The following FAM234A variants were observed in gnomAD, a reference collection of about 807,000 sequenced individuals.
The protein encoded by FAM234A is family with sequence similarity 234 member A.
FAM234A carries 42 observed loss-of-function variants against 49.1 expected under a neutral mutation model. The observed-to-expected ratio is 0.86, with a 90% CI of 0.67 to 1.11. The LOEUF (loss-of-function observed/expected upper bound fraction) is 1.11, where lower values mean the gene tolerates loss of function less well. FAM234A is among the 50% of genes least tolerant of loss of function. The pLI, the probability that FAM234A is intolerant of heterozygous loss-of-function variation, is 0.00. For missense variants in FAM234A, 815 were observed against 745.2 expected (o/e 1.09, Z -1.09); for synonymous variants, 369 against 316.2 (o/e 1.17, Z -1.77).
At chr16:237,868 T>A (rs994715498) in intron 1 of FAM234A, among the ~76,000 whole-genome samples, 1 of 151,846 alleles carries the variant, frequency 6.6e-6, no homozygotes, top group African/African-American at 2.4e-5. Flanking sequence ...CACGCCCAGC[T>A]ATTTTTTTTA....
chr16:252,002 C>CAAA (rs1203781848), intron 2 of FAM234A, among the ~76,000 whole-genome samples: 5 of 48,058 alleles, frequency 1.0e-4, no homozygotes, highest in African/African-American at 3.9e-4. Flanking sequence ...GACTCCGTCT[C>CAAA]AAAAAAAAAA....
downstream of FAM234A, chr16:268,415 G>A (rs544389323): frequency 2.1e-5 from 7 of 338,224 alleles, no homozygotes; most frequent in South Asian, 9.5e-5. Flanking sequence ...CCCTACCGCC[G>A]AGAGAGTTGA....
At chr16:252,697 G>A (rs1379196912) in intron 2 of FAM234A, among the ~76,000 whole-genome samples, 1 of 152,162 alleles carries the variant, frequency 6.6e-6, no homozygotes. Flanking sequence ...AGCCATTCTA[G>A]TGTCATACAC....
Position 260,173 on chromosome 16 carries a change from G to C in FAM234A, c.577+13G>C. ...AACTTGTTCACAGGTAGGCCAGCCA[G>C]GCAGCGGGGTTCTCACTGAGGGCCT... On this transcript the variant is annotated intron_variant, in intron 5 of 12. Transcript: ENST00000399932. 6.2e-7 allele frequency: 1 copy of C among 1,612,330 alleles called. No homozygotes were observed. The highest frequency in any genetic ancestry group is 8.5e-7 in the Non-Finnish European group (1 of 1,179,416).
At chr16:237,618 G>GGCCC (rs2050448970) in intron 1 of FAM234A, among the ~76,000 whole-genome samples, 1 of 151,996 alleles carries the variant, frequency 6.6e-6, no homozygotes, top group Non-Finnish European at 1.5e-5. Flanking sequence ...CTTTCCTTAG[G>GGCCC]GCCCATGTCC....
intron 3 of FAM234A, among the ~76,000 whole-genome samples, chr16:255,835 G>A (rs2051210423): frequency 6.6e-6 from 1 of 152,120 alleles, no homozygotes; most frequent in Admixed American, 6.6e-5. Flanking sequence ...AGCTAATTTT[G>A]TATTTTTAGT....
intron 10 of FAM234A, 70 bp from the exon 11 acceptor site, chr16:263,946 G>C: frequency 6.6e-7 from 1 of 1,520,782 alleles, no homozygotes; most frequent in Non-Finnish European, 9.0e-7. Flanking sequence ...GGGCACGTGT[G>C]CCTGTGCAAG....
Position 259,388 on chromosome 16 carries a change from G to C in FAM234A, c.269-95G>C, listed in dbSNP as rs899118733. On this transcript the variant is annotated intron_variant, in intron 3 of 12. Transcript: ENST00000399932. ...TCGTTGGGTGCCCTCACAGTGGCAG[G>C]TTCCATGTAGCAGAGAAGTAGGTCG... 4.1e-6 allele frequency: 3 copies of C among 728,014 alleles called. No individual in the cohort carries two copies. In the African/African-American group the frequency reaches 5.3e-5, roughly 13 times the overall value. The allele number at this position is 728,014 out of a possible 1,614,324, so 45.1% of individuals were successfully genotyped here. A position where few individuals can be genotyped will look rare whatever the true frequency, so the allele number is the denominator to read the frequency against.
intron 5 of FAM234A, chr16:260,381 G>C (rs13335629): frequency 1.7e-6 from 1 of 593,930 alleles, no homozygotes; most frequent in Non-Finnish European, 3.1e-6. Context: ...GTTACCTCCC[G>C]TTACACCTTG....
chr16:254,081 C>T (rs2141279057), intron 2 of FAM234A: 1 of 352,746 alleles, frequency 2.8e-6, no homozygotes, highest in East Asian at 7.1e-5. Flanking sequence ...CCCTGGAGCT[C>T]ATTGAGCATT....
intron 1 of FAM234A, among the ~76,000 whole-genome samples, chr16:246,622 TGTTAGCCA>T (rs1434665140): frequency 6.6e-6 from 1 of 151,188 alleles, no homozygotes; most frequent in Admixed American, 6.6e-5. Flanking sequence ...GGTTTCACCG[TGTTAGCCA>T]GGATGGTCTC....
chr16:247,032 G>A (rs1409022119), intron 1 of FAM234A: 3 of 151,552 alleles, frequency 2.0e-5, no homozygotes, highest in East Asian at 1.9e-4. Context: ...CTCGGCCTCC[G>A]AAAGTGCTGG....
rs2051618447 is a variant in FAM234A at position 264,617 on chromosome 16, A to C, written c.1348A>C (p.Thr450Pro). ...CCATTGCTGGTTCTCGCTCCAGGAG[A>C]CCGGGGAGGCCCGGCACAGCCTGTA... Reference protein sequence around the residue: ...HELGSTSETETGEARHSLYMF... With the variant: ...HELGSTSETEPGEARHSLYMF... The change falls in exon 12 of 13, where the codon ACC (threonine) becomes CCC (proline). Residue 450 changes from threonine to proline, a missense_variant. Coordinates refer to ENST00000399932, the MANE Select transcript of FAM234A (RefSeq NM_032039.4). 6.2e-7 allele frequency: 1 copy of C among 1,607,278 alleles called. No homozygotes were observed. Among genetic ancestry groups the C allele is most frequent in the South Asian group, 1.1e-5 (1 of 91,024 alleles).
At chr16:247,780 G>A (rs554093869) in intron 1 of FAM234A, among the ~76,000 whole-genome samples, 2 of 152,164 alleles carry the variant, frequency 1.3e-5, no homozygotes, top group African/African-American at 4.8e-5. Flanking sequence ...TTTGATCTTA[G>A]ATCAGTCTGT....
chr16:264,093 C>T lies in FAM234A; in HGVS notation c.1266C>T (p.Ser422=), dbSNP rs375362136. 55 of 1,612,462 alleles carry T rather than the reference C, an allele frequency of 3.4e-5. No individual in the cohort carries two copies. The highest frequency in any genetic ancestry group is 1.7e-4 in the African/African-American group (13 of 75,038). The change falls in exon 11 of 13, where the codon TCC becomes TCT. Residue 422 remains serine, a synonymous_variant. Coordinates refer to ENST00000399932, the MANE Select transcript of FAM234A (RefSeq NM_032039.4). The part of the protein sequence containing the change: ...ALPSLPGGPL[S]ASLPTADHRS... ...CGAGCCTCCCTGGGGGTCCACTGTC[C>T]GCCAGCCTGCCGACCGCAGACCACC...
downstream of FAM234A, chr16:269,508 C>G (rs1393936615): frequency 6.2e-7 from 1 of 1,613,154 alleles, no homozygotes; most frequent in Non-Finnish European, 8.5e-7. Context: ...CTCACCGTCT[C>G]TTCATCTCCA....
chr16:269,099 C>T, downstream of FAM234A: 2 of 918,318 alleles, frequency 2.2e-6, no homozygotes, highest in East Asian at 2.6e-5. Flanking sequence ...GGAGGGCTTG[C>T]TGGAGGGAGG....
intron 3 of FAM234A, among the ~76,000 whole-genome samples, chr16:257,164 C>CCACCA (rs2051266356): frequency 6.6e-6 from 1 of 151,836 alleles, no homozygotes; most frequent in South Asian, 2.1e-4. Flanking sequence ...CCGGTGTGAA[C>CCACCA]CACCACGCCC....
intron 1 of FAM234A, among the ~76,000 whole-genome samples, chr16:236,483 T>G (rs1474047619): frequency 6.7e-6 from 1 of 148,256 alleles, no homozygotes; most frequent in East Asian, 2.0e-4. Context: ...ATTAGCTGGG[T>G]GTGGTGGCGC....
Sources: gnomAD v4.1 joint callset for allele counts (sites outside exome capture counted in the v4.1 genomes callset) on GRCh38, gnomAD v4.1.1 for gene constraint, MANE v1.5 for transcripts, NCBI Gene and HGNC (gene_info 2026-07-23, HGNC 2026-07-21) for gene names.